ATP10D: variants seen among roughly 807,000 people sequenced by gnomAD.
ATP10D encodes the protein ATPase phospholipid transporting 10D (putative), also known as phospholipid-transporting ATPase VD.
Under a neutral mutation model 144.8 loss-of-function variants are expected in ATP10D, and 89 were observed. That is an observed-to-expected ratio of 0.61 (90% CI 0.52 to 0.73). The LOEUF is 0.73. ATP10D is among the 30% of genes least tolerant of loss of function. ATP10D has a pLI of 0.00. For synonymous variants in ATP10D, 571 were observed against 615.1 expected (o/e 0.93, Z 1.06); for missense variants, 1,603 against 1,714.8 (o/e 0.93, Z 1.15).
Position 47,523,129 on chromosome 4 carries a change from A to C in ATP10D, c.603A>C (p.Pro201=). 6.2e-7 allele frequency: 1 copy of C among 1,614,122 alleles called. No homozygotes were observed. The highest frequency in any genetic ancestry group is 8.5e-7 in the Non-Finnish European group (1 of 1,179,990). ...TGGTACTACTCTTTTCCACTGATCC[A>C]GATGGAATCTGTCACATTGAGACTT... ...ADMVLLFSTD[P]DGICHIETSG... Residue 201 remains proline, a synonymous_variant, in exon 4 of 23, where the codon CCA becomes CCC. Transcript: ENST00000273859.
At chr4:47,486,896 C>T (rs565161763) in intron 1 of ATP10D, among the ~76,000 whole-genome samples, 1 of 152,258 alleles carries the variant, frequency 6.6e-6, no homozygotes, top group South Asian at 2.1e-4. Flanking sequence ...TTGACCCTGG[C>T]TTAGCAAAAC....
chr4:47,523,297 A>AAGAG, intron 4 of ATP10D, 81 bp downstream of exon 4: 1 of 1,160,838 alleles, frequency 8.6e-7, no homozygotes, highest in Non-Finnish European at 1.3e-6. Flanking sequence ...ATTACAGATA[A>AAGAG]AGAGATTTTT....
At chr4:47,543,852 C>CACAT (rs1553896555) in intron 9 of ATP10D, among the ~76,000 whole-genome samples, 5 of 151,662 alleles carry the variant, frequency 3.3e-5, no homozygotes, top group African/African-American at 2.4e-5. Context: ...CACACACACA[C>CACAT]ATATATATAT....
chr4:47,520,694 G>A (rs1483943874), intron 3 of ATP10D, among the ~76,000 whole-genome samples: 2 of 151,910 alleles, frequency 1.3e-5, no homozygotes, highest in African/African-American at 4.8e-5. Context: ...TCAGCCTCCC[G>A]AGTAGCTGGT....
chr4:47,523,988 G>A (rs958080160), intron 4 of ATP10D, among the ~76,000 whole-genome samples: 4 of 152,116 alleles, frequency 2.6e-5, no homozygotes, highest in African/African-American at 7.2e-5. Flanking sequence ...GTGCAGTGGC[G>A]CAATCTCTGC....
intron 1 of ATP10D, among the ~76,000 whole-genome samples, chr4:47,502,701 T>C (rs1715773763): frequency 6.7e-6 from 1 of 148,904 alleles, no homozygotes; most frequent in Admixed American, 6.7e-5. Flanking sequence ...TATATGTATG[T>C]GATATTATAT....
intron 3 of ATP10D, among the ~76,000 whole-genome samples, chr4:47,521,344 C>T (rs149381729): frequency 8.5e-5 from 13 of 152,268 alleles, no homozygotes; most frequent in Non-Finnish European, 1.6e-4. Context: ...TCATAGTACA[C>T]GTTAGGAACC....
chr4:47,574,261 A>G (rs1010431586), intron 18 of ATP10D, among the ~76,000 whole-genome samples: 3 of 152,230 alleles, frequency 2.0e-5, no homozygotes, highest in Admixed American at 6.5e-5. Flanking sequence ...TCTCGAAGAG[A>G]GGGAGTGTTG....
chr4:47,511,293 T>TC (rs1039131977), intron 1 of ATP10D, among the ~76,000 whole-genome samples: 10 of 152,194 alleles, frequency 6.6e-5, no homozygotes, highest in African/African-American at 1.9e-4. Context: ...CTGTTTTTTT[T>TC]TCTTGTTCCT....
rs1275173915 is a variant in ATP10D at position 47,494,966 on chromosome 4, A to C, written c.-38+9447A>C. ...GACATTTAAGTATGCTATTTATTGA[A>C]ATTTAGCCAGACATTTATAAGGTAA... On this transcript the variant is annotated intron_variant, in intron 1 of 22. Coordinates refer to ENST00000273859, the MANE Select transcript of ATP10D (RefSeq NM_020453.4). Among the ~76,000 whole-genome samples, 6 of 152,322 alleles carry C rather than the reference A, an allele frequency of 3.9e-5. No homozygotes were observed. The East Asian group carries it at 1.2e-3, about 29-fold the overall frequency.
chr4:47,579,288 C>T (rs1220174786), intron 19 of ATP10D, among the ~76,000 whole-genome samples: 4 of 152,056 alleles, frequency 2.6e-5, no homozygotes, highest in Admixed American at 1.3e-4. Context: ...TTTATTAACC[C>T]GATAAATATT....
chr4:47,560,685 C>T (rs1275214925), intron 13 of ATP10D, among the ~76,000 whole-genome samples: 1 of 152,182 alleles, frequency 6.6e-6, no homozygotes, highest in East Asian at 1.9e-4. Flanking sequence ...AAGACATTAA[C>T]CCACTGTCAT....
intron 1 of ATP10D, among the ~76,000 whole-genome samples, chr4:47,505,379 A>C (rs754958757): frequency 1.3e-5 from 2 of 152,236 alleles, no homozygotes; most frequent in Admixed American, 1.3e-4. Flanking sequence ...TGTGTTAGAC[A>C]TGCAGACTCC....
chr4:47,493,272 A>G (rs982153745), intron 1 of ATP10D, among the ~76,000 whole-genome samples: 8 of 152,198 alleles, frequency 5.3e-5, no homozygotes, highest in African/African-American at 1.9e-4. Flanking sequence ...TAATGACTTC[A>G]TGGGGAAAAT....
intron 20 of ATP10D, 127 bp from the exon 21 acceptor site, chr4:47,581,833 T>TTC: frequency 1.5e-6 from 1 of 679,978 alleles, no homozygotes; most frequent in South Asian, 1.9e-5. Context: ...TCAAGTTTAT[T>TTC]TCATATGGCC....
At chr4:47,535,664 G>C in intron 6 of ATP10D, 49 bp downstream of exon 6, 1 of 1,536,110 alleles carries the variant, frequency 6.5e-7, no homozygotes, top group South Asian at 1.2e-5. Context: ...TTTTCTACAA[G>C]TTAACATTTT....
At chr4:47,516,735 T>A (rs1716708076) in intron 3 of ATP10D, among the ~76,000 whole-genome samples, 1 of 152,212 alleles carries the variant, frequency 6.6e-6, no homozygotes, top group Non-Finnish European at 1.5e-5. Flanking sequence ...TGAGATTTCT[T>A]GGATAATGAG....
intron 1 of ATP10D, among the ~76,000 whole-genome samples, chr4:47,505,623 C>A (rs1715976516): frequency 6.6e-6 from 1 of 152,068 alleles, no homozygotes; most frequent in Non-Finnish European, 1.5e-5. Flanking sequence ...ATAGTCCCAG[C>A]TACTTGTGAA....
chr4:47,574,273 T>G (rs1720112072), intron 18 of ATP10D, among the ~76,000 whole-genome samples: 1 of 152,202 alleles, frequency 6.6e-6, no homozygotes, highest in African/African-American at 2.4e-5. Context: ...GGAGTGTTGG[T>G]TAGTAGACAG....
Sources: gnomAD v4.1 joint callset for allele counts (sites outside exome capture counted in the v4.1 genomes callset) on GRCh38, gnomAD v4.1.1 for gene constraint, MANE v1.5 for transcripts, NCBI Gene and HGNC (gene_info 2026-07-23, HGNC 2026-07-21) for gene names.